The following SLC52A3 variants were observed in gnomAD, a reference collection of about 807,000 sequenced individuals.
The protein encoded by SLC52A3 is solute carrier family 52, riboflavin transporter, member 3.
SLC52A3 carries 20 observed loss-of-function variants against 29.5 expected under a neutral mutation model. The ratio of observed to expected loss-of-function variants is 0.68; its 90% CI spans 0.48 to 0.99. SLC52A3 has a LOEUF of 0.99. Ranked by LOEUF, SLC52A3 falls within the 50% of genes least tolerant of loss-of-function variation. The pLI is 0.00. For synonymous variants in SLC52A3, 301 were observed against 271.0 expected (o/e 1.11, Z -1.09); for missense variants, 548 against 612.9 (o/e 0.89, Z 1.12).
intron 3 of SLC52A3, among the ~76,000 whole-genome samples, chr20:762,322 C>T (rs992576332): frequency 1.3e-5 from 2 of 152,216 alleles, no homozygotes; most frequent in Non-Finnish European, 2.9e-5. Context: ...TGTGCCTCCT[C>T]AGGAGACCCC....
chr20:767,359 C>CT (rs563042314), intron 1 of SLC52A3, among the ~76,000 whole-genome samples: 11,176 of 147,348 alleles, frequency 0.076, 860 homozygotes, highest in East Asian at 0.44. Flanking sequence ...CTCTGTATAT[C>CT]TTTTTTTTTT....
At chr20:769,142 T>C (rs184920802), upstream of SLC52A3, among the ~76,000 whole-genome samples, 1 of 152,380 alleles carries the variant, frequency 6.6e-6, no homozygotes, top group Non-Finnish European at 1.5e-5. Flanking sequence ...GATTTGTAAA[T>C]TGTTAACTCA....
intron 1 of SLC52A3, among the ~76,000 whole-genome samples, chr20:774,290 C>T (rs575143499): frequency 6.6e-6 from 1 of 152,208 alleles, no homozygotes; most frequent in Non-Finnish European, 1.5e-5. Context: ...CAGCCTGACA[C>T]TGGATACATC....
chr20:778,199 G>A (rs1459054258), upstream of SLC52A3, among the ~76,000 whole-genome samples: 3 of 152,060 alleles, frequency 2.0e-5, no homozygotes, highest in Non-Finnish European at 4.4e-5. Flanking sequence ...ATTTGTAGTA[G>A]AGACAAGGTT....
At chr20:771,792 C>G (rs1356459663), upstream of SLC52A3, among the ~76,000 whole-genome samples, 1 of 151,934 alleles carries the variant, frequency 6.6e-6, no homozygotes, top group Non-Finnish European at 1.5e-5. Context: ...TATCAAAACT[C>G]TAATTCATAA....
intron 1 of SLC52A3, 119 bp downstream of exon 1, chr20:768,178 C>T (rs901585326): frequency 1.3e-5 from 2 of 152,112 alleles, no homozygotes; most frequent in African/African-American, 2.4e-5. Flanking sequence ...TGATCATTAT[C>T]GTGAAATGGC....
upstream of SLC52A3, among the ~76,000 whole-genome samples, chr20:776,865 G>GGGGC (rs1555784961): frequency 6.6e-6 from 1 of 151,028 alleles, no homozygotes; most frequent in African/African-American, 2.4e-5. Flanking sequence ...TTGGGGGGGG[G>GGGGC]GCCACAGGAG....
chr20:761,385 CG>C, intron 4 of SLC52A3, 147 bp from the exon 5 acceptor site: 1 of 989,980 alleles, frequency 1.0e-6, no homozygotes, highest in Non-Finnish European at 1.4e-6. Flanking sequence ...GCGGGGCCGA[CG>C]GGTCCCATGA....
At position 761,030 on chromosome 20, in the gene SLC52A3, G is replaced by A; in HGVS notation, c.1406C>T (p.Ala469Val). 1 of 1,604,000 alleles carries A rather than the reference G, an allele frequency of 6.2e-7. No individual in the cohort carries two copies. Among genetic ancestry groups the A allele is most frequent in the Non-Finnish European group, 8.5e-7 (1 of 1,176,300 alleles). The change falls in exon 5 of 5, where the codon GCC becomes GTC. Residue 469 changes from alanine (A) to valine (V), a missense_variant. Ala to Val is a moderately conservative substitution (Grantham distance 64). Transcript: ENST00000645534. ...GGGGCGGGGTCGGCGGCCTGCCTAG[G>A]CTGGACAGTGCAGATTGCAGAAGTC... is the stretch of plus-strand genomic sequence containing the variant. ...SADFCNLHCPA is the reference protein window; with the variant it reads ...SADFCNLHCPV
upstream of SLC52A3, among the ~76,000 whole-genome samples, chr20:773,031 G>T (rs1412156676): frequency 6.6e-6 from 1 of 152,242 alleles, no homozygotes; most frequent in African/African-American, 2.4e-5. Context: ...AGACAGGGCA[G>T]GTCCCCTGTG....
intron 1 of SLC52A3, among the ~76,000 whole-genome samples, chr20:767,522 A>ATT (rs375580583): frequency 6.6e-5 from 10 of 151,808 alleles, no homozygotes; most frequent in Admixed American, 3.3e-4. Context: ...CGCCCAGCTA[A>ATT]TTTTTTGTAT....
intron 2 of SLC52A3, 69 bp from the exon 3 acceptor site, chr20:764,072 G>T: frequency 1.4e-6 from 2 of 1,382,806 alleles, no homozygotes; most frequent in Non-Finnish European, 2.0e-6. Context: ...TCATGACAGT[G>T]ATAACAGAAT....
At chr20:770,093 C>T (rs1036464267), upstream of SLC52A3, among the ~76,000 whole-genome samples, 19 of 151,688 alleles carry the variant, frequency 1.3e-4, no homozygotes, top group African/African-American at 3.9e-4. This position sits in a 1 kb window ranked among gnomAD's most constrained non-coding sequence, Gnocchi z 4.5. Context: ...TCGTTGCCAG[C>T]ACTCATTTAA....
intron 2 of SLC52A3, 148 bp from the exon 3 acceptor site, chr20:764,151 T>G (rs1599958383): frequency 1.1e-6 from 1 of 944,692 alleles, no homozygotes; most frequent in East Asian, 2.6e-5. Flanking sequence ...CAATAATGAC[T>G]GCTCATACTG....
chr20:761,114 A>G lies in SLC52A3; in HGVS notation c.1322T>C (p.Leu441Pro), dbSNP rs1441733847. 6.2e-7 allele frequency: 1 copy of G among 1,602,604 alleles called. No individual in the cohort carries two copies. The highest frequency in any genetic ancestry group is 8.5e-7 in the Non-Finnish European group (1 of 1,175,546). The change falls in exon 5 of 5, where the codon CTG (leucine) becomes CCG (proline). Residue 441 changes from leucine to proline, a missense_variant. Physicochemically the swap from Leu to Pro is moderately conservative, Grantham distance 98. Around this residue, in one of 2 missense-constraint regions of SLC52A3, gnomAD observed 173 missense variants for 141.8 expected, o/e 1.22. Coordinates refer to ENST00000645534, the MANE Select transcript of SLC52A3 (RefSeq NM_033409.4). ...WCGAAVQLGS[L>P]LGALLMFPLV... Reference sequence around the variant, plus strand: ...AGGGAACATGAGCAGCGCTCCGAGCAGCGAGCCCAGCTGCACCGCCGCCCC... The same window carrying G: ...AGGGAACATGAGCAGCGCTCCGAGCGGCGAGCCCAGCTGCACCGCCGCCCC...
chr20:766,704 G>T (rs1411792905), intron 1 of SLC52A3, among the ~76,000 whole-genome samples: 1 of 151,666 alleles, frequency 6.6e-6, no homozygotes, highest in Non-Finnish European at 1.5e-5. Context: ...CTCTCTTTTC[G>T]GACTCAGCCC....
At chr20:763,458 T>A (rs1397054138) in intron 3 of SLC52A3, 40 bp downstream of exon 3, 1 of 1,612,996 alleles carries the variant, frequency 6.2e-7, no homozygotes, top group Admixed American at 1.7e-5. Context: ...AAATGAAGTG[T>A]TCCCCCACTA....
At chr20:774,518 G>C (rs1986952720) in intron 1 of SLC52A3, among the ~76,000 whole-genome samples, 1 of 152,216 alleles carries the variant, frequency 6.6e-6, no homozygotes, top group Admixed American at 6.5e-5. Flanking sequence ...TGAGAGAGAA[G>C]AGACTGAGAC....
chr20:767,218 G>T (rs957458006), intron 1 of SLC52A3, among the ~76,000 whole-genome samples: 8 of 152,198 alleles, frequency 5.3e-5, no homozygotes, highest in Non-Finnish European at 1.0e-4. Flanking sequence ...ATCAAGGCAG[G>T]TAAATGGAAC....
Sources: gnomAD v4.1 joint callset for allele counts (sites outside exome capture counted in the v4.1 genomes callset) on GRCh38, gnomAD v4.1.1 for gene constraint, gnomAD v4.1.1 regional missense constraint, Gnocchi (gnomAD v3.1) non-coding constraint, MANE v1.5 for transcripts, NCBI Gene and HGNC (gene_info 2026-07-23, HGNC 2026-07-21) for gene names.